MET: variants seen among roughly 807,000 people sequenced by gnomAD.
MET encodes MET proto-oncogene, receptor tyrosine kinase, also known as hepatocyte growth factor receptor.
In MET, 48 loss-of-function variants were observed where a neutral mutation model predicts 133.1. That is an observed-to-expected ratio of 0.36 (90% CI 0.29 to 0.46). MET has a LOEUF of 0.46. Ranked by LOEUF, MET falls within the 20% of genes least tolerant of loss-of-function variation. MET has a pLI of 1.00. For missense variants in MET, 1,442 were observed against 1,695.9 expected (o/e 0.85, Z 2.63); for synonymous variants, 628 against 616.5 (o/e 1.02, Z -0.28).
intron 1 of MET, among the ~76,000 whole-genome samples, chr7:116,693,691 C>G (rs1796857044): frequency 6.6e-6 from 1 of 152,194 alleles, no homozygotes; most frequent in African/African-American, 2.4e-5. Context: ...TGAGTTTAAA[C>G]TATAGTCTGC....
chr7:116,756,139 G>A (rs1287941977), intron 6 of MET, among the ~76,000 whole-genome samples: 1 of 152,170 alleles, frequency 6.6e-6, no homozygotes, highest in East Asian at 1.9e-4. Context: ...CTTCACAGAG[G>A]TAATCCAGAG....
chr7:116,681,331 AGG>A (rs201603404), intron 1 of MET, among the ~76,000 whole-genome samples: 3,608 of 152,294 alleles, frequency 0.024, 55 homozygotes, highest in Non-Finnish European at 0.035. Flanking sequence ...AAATTTATAA[AGG>A]TTTTACACCA....
intron 2 of MET, among the ~76,000 whole-genome samples, chr7:116,701,978 T>C (rs1791596698): frequency 6.6e-6 from 1 of 152,178 alleles, no homozygotes; most frequent in Non-Finnish European, 1.5e-5. Flanking sequence ...TAAAGGTATA[T>C]TGATATCTCA....
At chr7:116,748,891 C>A (rs1793805907) in intron 5 of MET, among the ~76,000 whole-genome samples, 1 of 152,102 alleles carries the variant, frequency 6.6e-6, no homozygotes. Flanking sequence ...TACAGCCTCC[C>A]AAGACTAAAC....
chr7:116,775,262 A>C, intron 15 of MET, 151 bp downstream of exon 15: 1 of 780,640 alleles, frequency 1.3e-6, no homozygotes, highest in Admixed American at 2.0e-5. Flanking sequence ...ATAGAAATGT[A>C]GCCCTGTAAA....
intron 1 of MET, among the ~76,000 whole-genome samples, chr7:116,689,783 C>T (rs561779275): frequency 1.3e-5 from 2 of 152,128 alleles, no homozygotes; most frequent in East Asian, 1.9e-4. Flanking sequence ...TGGTCTCAAA[C>T]TCCTGAACTC....
chr7:116,682,237 T>C (rs1348034286), intron 1 of MET, among the ~76,000 whole-genome samples: 1 of 152,242 alleles, frequency 6.6e-6, no homozygotes, highest in African/African-American at 2.4e-5. Flanking sequence ...ATCTATGTCA[T>C]AAGTTGATTA....
intron 1 of MET, among the ~76,000 whole-genome samples, chr7:116,692,739 C>G (rs78116323): frequency 0.037 from 5,626 of 152,174 alleles, 136 homozygotes; most frequent in Non-Finnish European, 0.054. Flanking sequence ...ATGATCACTC[C>G]CAGGAAATGT....
chr7:116,697,378 G>T (rs990541339), intron 1 of MET, among the ~76,000 whole-genome samples: 1 of 152,060 alleles, frequency 6.6e-6, no homozygotes, highest in Non-Finnish European at 1.5e-5. Context: ...CCATTGCCAG[G>T]ATCTCTCTGT....
At chr7:116,707,142 C>T (rs1420442950) in intron 2 of MET, among the ~76,000 whole-genome samples, 1 of 151,994 alleles carries the variant, frequency 6.6e-6, no homozygotes, top group Non-Finnish European at 1.5e-5. Flanking sequence ...CCCATATATA[C>T]TTCAAAAATA....
At chr7:116,795,446 C>T (rs932467081) in intron 19 of MET, among the ~76,000 whole-genome samples, 1 of 152,184 alleles carries the variant, frequency 6.6e-6, no homozygotes, top group Non-Finnish European at 1.5e-5. Context: ...TTTTAGAAAA[C>T]TTTACATTTA....
chr7:116,680,336 CTT>C (rs1796306071), intron 1 of MET, among the ~76,000 whole-genome samples: 3 of 152,130 alleles, frequency 2.0e-5, no homozygotes, highest in Non-Finnish European at 2.9e-5. Context: ...ATTTACATGA[CTT>C]TTAAAATTCC....
At chr7:116,714,982 C>A (rs1256889016) in intron 2 of MET, among the ~76,000 whole-genome samples, 1 of 152,146 alleles carries the variant, frequency 6.6e-6, no homozygotes, top group African/African-American at 2.4e-5. Context: ...TTCCATTTTA[C>A]AGATGATGAA....
intron 5 of MET, among the ~76,000 whole-genome samples, chr7:116,747,397 A>G (rs1793734094): frequency 6.6e-6 from 1 of 152,240 alleles, no homozygotes; most frequent in Non-Finnish European, 1.5e-5. Flanking sequence ...ACGTGCAAAG[A>G]CACACATAGG....
intron 2 of MET, among the ~76,000 whole-genome samples, chr7:116,726,879 G>A (rs1792813194): frequency 6.6e-6 from 1 of 152,214 alleles, no homozygotes; most frequent in Non-Finnish European, 1.5e-5. Context: ...AGGCCAGTGA[G>A]GAAGCACTTA....
rs1554400069 is a variant in MET at position 116,781,982 on chromosome 7, C to T, written c.3523-6C>T. ...TTTATGCTTTTCTAACTCTCTTTGA[C>T]TGCAGAATCCAACTGTAAAAGATCT... On this transcript the variant is annotated splice_region_variant and splice_polypyrimidine_tract_variant and intron_variant, in intron 17 of 20. Coordinates refer to ENST00000397752, the MANE Select transcript of MET (RefSeq NM_000245.4). The T allele has an allele frequency of 2.5e-6, 4 of 1,585,670 alleles. No homozygotes were observed. The highest frequency in any genetic ancestry group is 3.5e-6 in the Non-Finnish European group (4 of 1,154,450).
chr7:116,674,912 T>G (rs1394735019), intron 1 of MET, among the ~76,000 whole-genome samples: 2 of 152,234 alleles, frequency 1.3e-5, no homozygotes, highest in Non-Finnish European at 2.9e-5. Flanking sequence ...GTCTGCTGTG[T>G]TTATTCATAG....
chr7:116,769,546 T>A lies in MET; in HGVS notation c.2584-99T>A, dbSNP rs188701834. 274 of 1,443,094 alleles carry A rather than the reference T, an allele frequency of 1.9e-4. No individual in the cohort carries two copies. In the Middle Eastern group the frequency reaches 2.1e-3, roughly 11 times the overall value. The allele number at this position is 1,443,094 out of a possible 1,614,324, so 89.4% of individuals were successfully genotyped here. A position where few individuals can be genotyped will look rare whatever the true frequency, so the allele number is the denominator to read the frequency against. ...GAATCGTGTGCCTTGGCAAACAACATGGCCTGTGTTTGCAGTATATTTATA... is the reference window on the plus strand; with the variant it reads ...GAATCGTGTGCCTTGGCAAACAACAAGGCCTGTGTTTGCAGTATATTTATA... On this transcript the variant is annotated intron_variant, in intron 11 of 20. Coordinates refer to ENST00000397752, the MANE Select transcript of MET (RefSeq NM_000245.4).
At position 116,713,679 on chromosome 7, in the gene MET, C is replaced by T. The variant is rs1036951032; in HGVS notation, c.1200+13395C>T. ...AGGGGAGCAGATAAGTAAAGAGTCT[C>T]ACTCCACGGTGGCAAGATGGAAAGG... On this transcript the variant is annotated intron_variant, in intron 2 of 20. Transcript: ENST00000397752. Among the ~76,000 whole-genome samples the T allele has an allele frequency of 2.6e-5, 4 of 152,112 alleles. No homozygotes were observed. In the East Asian group the frequency reaches 5.8e-4, roughly 22 times the overall value.
Sources: gnomAD v4.1 joint callset for allele counts (sites outside exome capture counted in the v4.1 genomes callset) on GRCh38, gnomAD v4.1.1 for gene constraint, MANE v1.5 for transcripts, NCBI Gene and HGNC (gene_info 2026-07-23, HGNC 2026-07-21) for gene names.